The following LDB2 variants were observed in gnomAD, a reference collection of about 807,000 sequenced individuals.
LDB2 encodes LIM domain-binding protein 2.
LDB2 carries 12 observed loss-of-function variants against 44.3 expected under a neutral mutation model. The observed-to-expected ratio is 0.27, with a 90% CI of 0.17 to 0.44. The LOEUF (loss-of-function observed/expected upper bound fraction) is 0.44. Ranked by LOEUF, LDB2 falls within the 20% of genes least tolerant of loss-of-function variation. The pLI, the probability that LDB2 is intolerant of heterozygous loss-of-function variation, is 1.00. For missense variants in LDB2, 344 were observed against 473.5 expected (o/e 0.73, Z 2.54); for synonymous variants, 164 against 174.8 (o/e 0.94, Z 0.49).
chr4:16,592,158 C>A (rs181621236), intron 3 of LDB2, among the ~76,000 whole-genome samples: 1 of 152,174 alleles, frequency 6.6e-6, no homozygotes. Context: ...TGAGACTAGG[C>A]CAGGAACAAG....
At chr4:16,600,484 A>C (rs920369025) in intron 2 of LDB2, among the ~76,000 whole-genome samples, 4 of 152,176 alleles carry the variant, frequency 2.6e-5, no homozygotes, top group African/African-American at 9.7e-5. Context: ...GGTGAGTAAA[A>C]TATACCATAC....
At chr4:16,777,536 C>G (rs1561197557) in intron 1 of LDB2, among the ~76,000 whole-genome samples, 1 of 152,214 alleles carries the variant, frequency 6.6e-6, no homozygotes, top group East Asian at 1.9e-4. Context: ...CTTGCAAAGC[C>G]AAACAAGATG....
chr4:16,705,004 A>G (rs554120460), intron 2 of LDB2, among the ~76,000 whole-genome samples: 1 of 152,278 alleles, frequency 6.6e-6, no homozygotes. Flanking sequence ...CTTAAGAGGA[A>G]ATTTCACCTG....
intron 2 of LDB2, among the ~76,000 whole-genome samples, chr4:16,731,263 AACAG>A (rs1424155193): frequency 1.3e-5 from 2 of 152,198 alleles, no homozygotes; most frequent in African/African-American, 2.4e-5. Context: ...TTGAAATTAA[AACAG>A]ACAGCCAACT....
chr4:16,657,184 C>T (rs1212014239), intron 2 of LDB2, among the ~76,000 whole-genome samples: 1 of 152,156 alleles, frequency 6.6e-6, no homozygotes, highest in African/African-American at 2.4e-5. Context: ...ACACTCAACA[C>T]AAAAAGGCTG....
chr4:16,744,040 A>G (rs919202654), intron 2 of LDB2, among the ~76,000 whole-genome samples: 1 of 152,238 alleles, frequency 6.6e-6, no homozygotes, highest in African/African-American at 2.4e-5. Flanking sequence ...GATTCAAAGA[A>G]CAAAATATGA....
intron 1 of LDB2, among the ~76,000 whole-genome samples, chr4:16,763,723 C>T (rs1169270662): frequency 6.6e-6 from 1 of 152,100 alleles, no homozygotes; most frequent in Non-Finnish European, 1.5e-5. Context: ...TCACAACTAC[C>T]CTAATTGCTA....
chr4:16,567,385 CGCGTGTGTGCAT>C (rs57891371), intron 5 of LDB2, among the ~76,000 whole-genome samples: 114,252 of 150,908 alleles, frequency 0.76, 44,399 homozygotes, highest in Non-Finnish European at 0.85. Context: ...TGTGTGTGTG[CGCGTGTGTGCAT>C]GCGTGTGTGT....
chr4:16,838,680 T>C (rs2110093882), intron 1 of LDB2, among the ~76,000 whole-genome samples: 2 of 152,306 alleles, frequency 1.3e-5, no homozygotes, highest in East Asian at 1.9e-4. Flanking sequence ...GTCACCAAAC[T>C]TGGCTCAACC....
At chr4:16,725,369 G>A (rs2152688812) in intron 2 of LDB2, among the ~76,000 whole-genome samples, 1 of 152,008 alleles carries the variant, frequency 6.6e-6, no homozygotes, top group East Asian at 1.9e-4. Context: ...GTAGAACTCT[G>A]ACCTACAGCA....
intron 2 of LDB2, among the ~76,000 whole-genome samples, chr4:16,705,023 A>G (rs1249163857): frequency 6.6e-6 from 1 of 152,202 alleles, no homozygotes; most frequent in South Asian, 2.1e-4. Context: ...TGCCTTCACT[A>G]CAATCTTTAA....
chr4:16,866,344 A>G (rs913386808), intron 1 of LDB2, among the ~76,000 whole-genome samples: 1 of 152,238 alleles, frequency 6.6e-6, no homozygotes, highest in Non-Finnish European at 1.5e-5. Context: ...AATAGTTTTT[A>G]CTTTTCAAAA....
intron 1 of LDB2, among the ~76,000 whole-genome samples, chr4:16,766,788 G>A (rs1232884816): frequency 6.6e-6 from 1 of 152,098 alleles, no homozygotes; most frequent in East Asian, 1.9e-4. Context: ...TTACAGGCAT[G>A]AGCGTGCTTG....
intron 5 of LDB2, among the ~76,000 whole-genome samples, chr4:16,574,492 G>A (rs971665108): frequency 2.6e-5 from 4 of 152,128 alleles, no homozygotes; most frequent in South Asian, 2.1e-4. Context: ...ATTCAAAGCC[G>A]CAACCAATGT....
At chr4:16,881,655 A>T (rs115356444) in intron 1 of LDB2, among the ~76,000 whole-genome samples, 1,898 of 148,516 alleles carry the variant, frequency 0.013, 21 homozygotes, top group Middle Eastern at 0.059. Context: ...AGTTCCACAT[A>T]AATTACTATG....
intron 2 of LDB2, among the ~76,000 whole-genome samples, chr4:16,756,276 C>T (rs1218354121): frequency 6.6e-6 from 1 of 152,114 alleles, no homozygotes; most frequent in Non-Finnish European, 1.5e-5. Flanking sequence ...ATGGTGAAAC[C>T]TTGTCTCTAC....
At chr4:16,571,144 T>G (rs2152399810) in intron 5 of LDB2, among the ~76,000 whole-genome samples, 1 of 152,310 alleles carries the variant, frequency 6.6e-6, no homozygotes, top group African/African-American at 2.4e-5. Flanking sequence ...CCAAGCTAAG[T>G]ATTTTGGATT....
chr4:16,885,396 T>C (rs968265979), intron 1 of LDB2, among the ~76,000 whole-genome samples: 3 of 152,102 alleles, frequency 2.0e-5, no homozygotes, highest in Non-Finnish European at 4.4e-5. Context: ...TAGAAGAAGA[T>C]TGATATTGGT....
rs1730751515 is a variant in LDB2 at position 16,533,336 on chromosome 4, C to T, written c.616-21232G>A. ...CCACTTCTAAAGTTAAAAAACCATT[C>T]ATGTCTGCAAAAATGGAAATAATAA... On this transcript the variant is annotated intron_variant, in intron 5 of 7. Transcript: ENST00000304523. This position sits in a 1 kb window ranked among gnomAD's most constrained non-coding sequence, Gnocchi z 4.1. 6.6e-6 allele frequency among the ~76,000 whole-genome samples: 1 copy of T among 152,168 alleles called. No homozygotes were observed.
Sources: gnomAD v4.1 joint callset for allele counts (sites outside exome capture counted in the v4.1 genomes callset) on GRCh38, gnomAD v4.1.1 for gene constraint, Gnocchi (gnomAD v3.1) non-coding constraint, MANE v1.5 for transcripts, NCBI Gene and HGNC (gene_info 2026-07-23, HGNC 2026-07-21) for gene names.